Variants in SRRT observed in about 807,000 individuals in gnomAD.
The protein encoded by SRRT is serrate RNA effector molecule homolog.
SRRT carries 32 observed loss-of-function variants against 103.2 expected under a neutral mutation model. The observed-to-expected ratio is 0.31, with a 90% CI of 0.23 to 0.42. The LOEUF (loss-of-function observed/expected upper bound fraction) is 0.42. SRRT is among the 10% of genes least tolerant of loss of function. The pLI, the probability that SRRT is intolerant of heterozygous loss-of-function variation, is 1.00. For synonymous variants in SRRT, 525 were observed against 449.0 expected, an observed-to-expected ratio of 1.17 and a Z score of -2.14; for missense variants, 986 against 1,207.5, an observed-to-expected ratio of 0.82 and a Z score of 2.72.
chr7:100,877,530 A>T (rs1375971821), intron 2 of SRRT, among the ~76,000 whole-genome samples: 2 of 150,308 alleles, frequency 1.3e-5, no homozygotes, highest in South Asian at 4.2e-4. Flanking sequence ...TTTTAAAAAA[A>T]TTTTTTTTTG....
At position 100,884,537 on chromosome 7, in the gene SRRT, G is replaced by A; in HGVS notation, c.927G>A (p.Lys309=). Reference sequence around the variant, plus strand: ...AAACCAACGACAAGGATGAGAAGAAGGAAGACGGCAAGCAGGTCCGAGCCC... The same window carrying A: ...AAACCAACGACAAGGATGAGAAGAAAGAAGACGGCAAGCAGGTCCGAGCCC... ...ERKTNDKDEK[K]EDGKQAENDS... is the part of the protein sequence containing the mutation. Residue 309 remains lysine (K), a synonymous_variant, in exon 7 of 20, where the codon AAG becomes AAA. Transcript: ENST00000611405. The A allele has an allele frequency of 3.8e-6, 6 of 1,596,492 alleles. No individual in the cohort carries two copies. The highest frequency in any genetic ancestry group is 1.3e-5 in the African/African-American group (1 of 74,320).
At chr7:100,883,716 C>G (rs1396321219) in intron 5 of SRRT, among the ~76,000 whole-genome samples, 1 of 152,322 alleles carries the variant, frequency 6.6e-6, no homozygotes, top group Admixed American at 6.5e-5. Context: ...CTGAGCCTTC[C>G]TCTCTGAAGC....
At position 100,886,923 on chromosome 7, in the gene SRRT, G is replaced by A. The variant is rs745779707; in HGVS notation, c.1776G>A (p.Gly592=). 11 of 1,613,248 alleles carry A rather than the reference G, an allele frequency of 6.8e-6. No homozygotes were observed. Among genetic ancestry groups the A allele is most frequent in the Non-Finnish European group, 9.3e-6 (11 of 1,179,724 alleles). Residue 592 remains glycine (G), a synonymous_variant, in exon 14 of 20, where the codon GGG becomes GGA. Coordinates refer to ENST00000611405, the MANE Select transcript of SRRT (RefSeq NM_015908.6). Reference sequence around the variant, plus strand: ...CTCCTGAGGAGCCTCCTAAGGAAGGGAACCCGGCAGAGATCAACGTGGAGC... The same window carrying A: ...CTCCTGAGGAGCCTCCTAAGGAAGGAAACCCGGCAGAGATCAACGTGGAGC... ...GAPPEEPPKE[G]NPAEINVERD...
At chr7:100,877,607 C>T (rs1815873291) in intron 2 of SRRT, among the ~76,000 whole-genome samples, 1 of 151,528 alleles carries the variant, frequency 6.6e-6, no homozygotes, top group Non-Finnish European at 1.5e-5. Flanking sequence ...CTGCAACCTC[C>T]ACCTCCTGGG....
chr7:100,884,693 G>T, intron 7 of SRRT, 47 bp from the exon 8 acceptor site: 13 of 1,590,212 alleles, frequency 8.2e-6, no homozygotes, highest in Non-Finnish European at 1.1e-5. Flanking sequence ...CTCTGATAAA[G>T]GTGGGAGGGG....
chr7:100,888,115 GC>G lies in SRRT; in HGVS notation c.2404del (p.Arg802GlyfsTer?). The G allele has an allele frequency of 6.2e-7, 1 of 1,610,624 alleles. No homozygotes were observed. The highest frequency in any genetic ancestry group is 1.1e-5 in the South Asian group (1 of 90,648). On this transcript the variant is annotated frameshift_variant, in exon 18 of 20. Coordinates refer to ENST00000611405, the MANE Select transcript of SRRT (RefSeq NM_015908.6). LOFTEE classifies it high-confidence loss of function. ...CCCAGGGCCTGATGCCCTATGGTCA[GC>G]CCCGGCCCCCGATCTTGGGCTATGG... ...TPQGLMPYGQ[P>X]RPPILGYGAG...
Position 100,881,495 on chromosome 7 carries a change from A to G in SRRT, c.251+82A>G, listed in dbSNP as rs551889634. ...CCTTTCTCCCCTCACCTGTGCCTAAATCTTTGTCATTTCCTTTTCTCAACT... is the reference window on the plus strand; with the variant it reads ...CCTTTCTCCCCTCACCTGTGCCTAAGTCTTTGTCATTTCCTTTTCTCAACT... On this transcript the variant is annotated intron_variant, in intron 3 of 19. Coordinates refer to ENST00000611405, the MANE Select transcript of SRRT (RefSeq NM_015908.6). 2.6e-5 allele frequency: 41 copies of G among 1,572,620 alleles called. 1 individual carries two copies. In the East Asian group the frequency reaches 8.6e-4, roughly 33 times the overall value.
At position 100,887,150 on chromosome 7, in the gene SRRT, T is replaced by A. The variant is rs1338826274; in HGVS notation, c.1925T>A (p.Ile642Asn). The A allele has an allele frequency of 6.2e-7, 1 of 1,614,060 alleles. No homozygotes were observed. Among genetic ancestry groups the A allele is most frequent in the Non-Finnish European group, 8.5e-7 (1 of 1,180,034 alleles). Reference sequence around the variant, plus strand: ...GACGAGATGCCCAATCGCTGTGGGATCATCCACGTTCGGGGGCCCATGCCA... The same window carrying A: ...GACGAGATGCCCAATCGCTGTGGGAACATCCACGTTCGGGGGCCCATGCCA... ...NEDEMPNRCGIIHVRGPMPPN... is the reference protein window; with the variant it reads ...NEDEMPNRCGNIHVRGPMPPN... The change falls in exon 15 of 20, where the codon ATC (isoleucine) becomes AAC (asparagine). Residue 642 changes from isoleucine (I) to asparagine (N), a missense_variant. Physicochemically the swap from Ile to Asn is moderately radical, Grantham distance 149. Coordinates refer to ENST00000611405, the MANE Select transcript of SRRT (RefSeq NM_015908.6). The surrounding 1 kb of genome is among the most constrained non-coding windows in gnomAD (Gnocchi z 4.1).
At chr7:100,879,037 C>T (rs1156772969) in intron 2 of SRRT, among the ~76,000 whole-genome samples, 1 of 151,944 alleles carries the variant, frequency 6.6e-6, no homozygotes, top group Non-Finnish European at 1.5e-5. Context: ...TCACTGTAAC[C>T]TCCATCTTCC....
chr7:100,879,454 C>G (rs553225842), intron 2 of SRRT, among the ~76,000 whole-genome samples: 2 of 152,208 alleles, frequency 1.3e-5, no homozygotes, highest in African/African-American at 2.4e-5. Flanking sequence ...AGTGTAGAAG[C>G]TATCCTCTAC....
At position 100,884,064 on chromosome 7, in the gene SRRT, T is replaced by A; in HGVS notation, c.588-6T>A. The stretch of plus-strand genomic sequence containing the variant: ...TTTGTCTTTCCCTCCCCCGCTTCGT[T>A]CCCAGGTTTCGGTCTAAGTACCACC... On this transcript the variant is annotated splice_polypyrimidine_tract_variant and splice_region_variant and intron_variant, in intron 5 of 19. Transcript: ENST00000611405. 3.2e-6 allele frequency: 5 copies of A among 1,571,152 alleles called. No homozygotes were observed. Among genetic ancestry groups the A allele is most frequent in the Non-Finnish European group, 4.3e-6 (5 of 1,163,496 alleles).
chr7:100,881,956 C>G, intron 4 of SRRT, 97 bp from the exon 5 acceptor site: 2 of 1,489,628 alleles, frequency 1.3e-6, no homozygotes, highest in African/African-American at 2.8e-5. Context: ...GGGTGATGTC[C>G]ATGGTGGACA....
chr7:100,876,710 G>A (rs1472792045), intron 2 of SRRT, among the ~76,000 whole-genome samples: 12 of 152,150 alleles, frequency 7.9e-5, no homozygotes, highest in Admixed American at 7.9e-4. Context: ...TGGCATGGGG[G>A]ATCAGAATGG....
At position 100,887,297 on chromosome 7, in the gene SRRT, C is replaced by T. The variant is rs778368887; in HGVS notation, c.1976-23C>T. The stretch of plus-strand genomic sequence containing the variant: ...CCTTCTGGCTCCCTTGCCAACCTTC[C>T]TTCCTCTGTTCCCAAACCACAGTGC... On this transcript the variant is annotated intron_variant, in intron 15 of 19. Transcript: ENST00000611405. The surrounding 1 kb of genome is among the most constrained non-coding windows in gnomAD (Gnocchi z 4.1). 3.3e-5 allele frequency: 53 copies of T among 1,611,366 alleles called. No homozygotes were observed. In the South Asian group the frequency reaches 5.6e-4, roughly 17 times the overall value.
In SRRT at chr7:100,885,046, G is replaced by A. The variant is rs776657238; in HGVS notation, c.1159+6G>A. On this transcript the variant is annotated splice_donor_region_variant and intron_variant, in intron 9 of 19. Transcript: ENST00000611405. This position sits in a 1 kb window ranked among gnomAD's most constrained non-coding sequence, Gnocchi z 4.8. ...GGAGGAGAAGGAGGAGGCCGGTAGG[G>A]TTTCTTTTCTGCTTTAAAGTGCGTT... is the stretch of plus-strand genomic sequence containing the variant. The A allele has an allele frequency of 1.9e-6, 3 of 1,613,734 alleles. No individual in the cohort carries two copies. The highest frequency in any genetic ancestry group is 1.7e-5 in the Admixed American group (1 of 59,998).
intron 2 of SRRT, among the ~76,000 whole-genome samples, chr7:100,877,730 C>A (rs1815883853): frequency 6.6e-6 from 1 of 151,898 alleles, no homozygotes. Flanking sequence ...CCATGTTGGC[C>A]AGCTGGTCTT....
rs1789977804 is a variant in SRRT, at chr7:100,885,210, T to C, written c.1160-3T>C. On this transcript the variant is annotated splice_region_variant and splice_polypyrimidine_tract_variant and intron_variant, in intron 9 of 19. Coordinates refer to ENST00000611405, the MANE Select transcript of SRRT (RefSeq NM_015908.6). The surrounding 1 kb of genome is among the most constrained non-coding windows in gnomAD (Gnocchi z 4.8). The stretch of plus-strand genomic sequence containing the variant: ...ACTCCTTCCTACCCCCCTTCCTGCC[T>C]AGAAGAAGCGCTCAAGGAGAAGGAG... The C allele has an allele frequency of 3.1e-6, 5 of 1,613,090 alleles. No individual in the cohort carries two copies. The highest frequency in any genetic ancestry group is 3.3e-4 in the Middle Eastern group (2 of 6,060).
chr7:100,881,268 C>G lies in SRRT; in HGVS notation c.123-17C>G. On this transcript the variant is annotated splice_polypyrimidine_tract_variant and intron_variant, in intron 2 of 19. Transcript: ENST00000611405. ...TGTGCCTGGCCTTTAATCTTTGTTA[C>G]TTGTTCTTACTGCCAGAGAGTGGGA... The G allele has an allele frequency of 1.2e-6, 2 of 1,603,896 alleles. No individual in the cohort carries two copies.
intron 2 of SRRT, chr7:100,875,935 G>C (rs1189689366): frequency 2.7e-5 from 14 of 513,916 alleles, no homozygotes; most frequent in South Asian, 1.9e-4. Flanking sequence ...AAGAGTTTGA[G>C]TATGAAGAAG....
Sources: gnomAD v4.1 joint callset for allele counts (sites outside exome capture counted in the v4.1 genomes callset) on GRCh38, gnomAD v4.1.1 for gene constraint, Gnocchi (gnomAD v3.1) non-coding constraint, MANE v1.5 for transcripts, NCBI Gene and HGNC (gene_info 2026-07-23, HGNC 2026-07-21) for gene names.